BLOC1S3: variants seen among roughly 807,000 people sequenced by gnomAD.
BLOC1S3 encodes biogenesis of lysosomal organelles complex 1 subunit 3, also known as biogenesis of lysosome-related organelles complex 1 subunit 3.
BLOC1S3 carries 7 observed loss-of-function variants against 9.1 expected under a neutral mutation model. That is an observed-to-expected ratio of 0.77 (90% CI 0.44 to 1.45). BLOC1S3 has a LOEUF of 1.45. Ranked by LOEUF, BLOC1S3 falls within the 40% of genes most tolerant of loss-of-function variation. The pLI is 0.01. For missense variants in BLOC1S3, 307 were observed against 315.2 expected (o/e 0.97, Z 0.20); for synonymous variants, 145 against 158.4 (o/e 0.92, Z 0.64).
intron 2 of BLOC1S3, among the ~76,000 whole-genome samples, chr19:45,200,257 C>T (rs1384918496): frequency 1.3e-5 from 2 of 150,570 alleles, no homozygotes; most frequent in Non-Finnish European, 2.9e-5. Flanking sequence ...TCTCCGCTCA[C>T]TGCAAGCTCC....
At chr19:45,201,080 G>A (rs1969687279) in intron 2 of BLOC1S3, among the ~76,000 whole-genome samples, 1 of 152,048 alleles carries the variant, frequency 6.6e-6, no homozygotes, top group South Asian at 2.1e-4. Flanking sequence ...GTGGGCGCCT[G>A]TAGTCCCAGC....
At chr19:45,203,515 G>A (rs1029312913) in intron 3 of BLOC1S3, among the ~76,000 whole-genome samples, 3 of 151,978 alleles carry the variant, frequency 2.0e-5, no homozygotes, top group African/African-American at 4.8e-5. Flanking sequence ...CTCGTGATCC[G>A]CCTGCCTAAG....
intron 3 of BLOC1S3, among the ~76,000 whole-genome samples, chr19:45,207,263 G>A (rs1969734113): frequency 6.6e-6 from 1 of 151,746 alleles, no homozygotes; most frequent in Non-Finnish European, 1.5e-5. Context: ...CTCCTGAGTA[G>A]CTGGGACTAC....
At chr19:45,196,771 G>A (rs1046915752) in intron 2 of BLOC1S3, among the ~76,000 whole-genome samples, 17 of 151,898 alleles carry the variant, frequency 1.1e-4, no homozygotes, top group Admixed American at 9.9e-4. Context: ...CATGGTGGCG[G>A]GTGCCTGTAG....
intron 2 of BLOC1S3, chr19:45,199,134 T>C (rs1273243327): frequency 6.6e-6 from 1 of 152,270 alleles, no homozygotes; most frequent in African/African-American, 2.4e-5. Context: ...CCTAGTGTTC[T>C]ATAACCTTCT....
chr19:45,213,793 TAA>T (rs376637056), intron 3 of BLOC1S3, among the ~76,000 whole-genome samples: 13 of 134,618 alleles, frequency 9.7e-5, no homozygotes, highest in African/African-American at 1.6e-4. Flanking sequence ...AAAAATACAT[TAA>T]AAAAAAAAAA....
chr19:45,208,909 A>C lies in BLOC1S3; in HGVS notation n.282+6402A>C, dbSNP rs1286576913. Among the ~76,000 whole-genome samples the C allele has an allele frequency of 1.4e-4, 22 of 152,202 alleles. 1 individual carries two copies. Among genetic ancestry groups the C allele is most frequent in the Admixed American group, 1.4e-3 (21 of 15,260 alleles). On this transcript the variant is annotated intron_variant and non_coding_transcript_variant, in intron 3 of 3. Transcript: ENST00000591569. ...ATGAGATAAAGTAATGCTTAGAAAG[A>C]CATTGATAGATTTTTAAATGCTTAA...
At chr19:45,182,037 C>T (rs7248168), downstream of BLOC1S3, among the ~76,000 whole-genome samples, 13,114 of 152,152 alleles carry the variant, frequency 0.086, 826 homozygotes, top group Non-Finnish European at 0.13. Flanking sequence ...GCACCCAGTC[C>T]CTGCCCTCAC....
At chr19:45,204,072 T>C (rs1236656205) in intron 3 of BLOC1S3, among the ~76,000 whole-genome samples, 3 of 151,252 alleles carry the variant, frequency 2.0e-5, no homozygotes, top group Non-Finnish European at 4.4e-5. Context: ...AGTGGCGCAA[T>C]CTTGGCTCAC....
intron 2 of BLOC1S3, among the ~76,000 whole-genome samples, chr19:45,192,127 C>T (rs1331115164): frequency 1.3e-5 from 2 of 152,102 alleles, no homozygotes; most frequent in Non-Finnish European, 2.9e-5. Context: ...GCTGAGCTGG[C>T]ACACAAGCCA....
At chr19:45,197,064 G>A (rs1279128539) in intron 2 of BLOC1S3, among the ~76,000 whole-genome samples, 1 of 151,684 alleles carries the variant, frequency 6.6e-6, no homozygotes, top group Admixed American at 6.6e-5. Context: ...ACCTCAGCAG[G>A]TGGGTGGGAT....
At position 45,203,217 on chromosome 19, in the gene BLOC1S3, G is replaced by A. The variant is rs185181700; in HGVS notation, n.282+710G>A. Among the ~76,000 whole-genome samples the A allele has an allele frequency of 4.6e-3, 697 of 152,182 alleles. 7 individuals are homozygous for A. The highest frequency in any genetic ancestry group is 7.6e-3 in the Non-Finnish European group (517 of 68,020). On this transcript the variant is annotated intron_variant and non_coding_transcript_variant, in intron 3 of 3. Transcript: ENST00000591569. ...TGTTCTGAGCCCAGCAAGGCACCAG[G>A]ACTTGCCCAGAAATTGCAGTCCTTG...
chr19:45,182,932 G>A (rs1283435509), downstream of BLOC1S3, among the ~76,000 whole-genome samples: 1 of 152,184 alleles, frequency 6.6e-6, no homozygotes, highest in Non-Finnish European at 1.5e-5. Flanking sequence ...GCGGGAGAGA[G>A]GAAGTGATGA....
In BLOC1S3 at chr19:45,179,622, T is replaced by A. The variant is rs1402693609; in HGVS notation, c.326T>A (p.Leu109Gln). The stretch of plus-strand genomic sequence containing the variant: ...GCGCCCGCCCCCGCGCGCTCGCTCC[T>A]GCAACTTCGGCTGGCGGAGAGCCAG... ...APAPAPARSLLQLRLAESQAR... is the reference protein window; with the variant it reads ...APAPAPARSLQQLRLAESQAR... The change falls in exon 2 of 2, where the codon CTG (leucine) becomes CAG (glutamine). Residue 109 changes from leucine to glutamine, a missense_variant. By Grantham distance (113) the Leu-to-Gln change is moderately radical (BLOSUM62 -2). Transcript: ENST00000433642. The surrounding 1 kb of genome is among the most constrained non-coding windows in gnomAD (Gnocchi z 4.6). 6.8e-7 allele frequency: 1 copy of A among 1,475,026 alleles called. No individual in the cohort carries two copies. The highest frequency in any genetic ancestry group is 8.9e-7 in the Non-Finnish European group (1 of 1,119,644). The allele number at this position is 1,475,026 out of a possible 1,614,324, so 91.4% of individuals were successfully genotyped here. A position where few individuals can be genotyped will look rare whatever the true frequency, so the allele number is the denominator to read the frequency against.
chr19:45,194,025 G>C lies in BLOC1S3; in HGVS notation n.180+6285G>C, dbSNP rs570285430. Among the ~76,000 whole-genome samples, 8 of 136,196 alleles carry C rather than the reference G, an allele frequency of 5.9e-5. No homozygotes were observed. In the South Asian group the frequency reaches 1.2e-3, roughly 21 times the overall value. 89.3% of individuals were successfully genotyped at this position (136,196 alleles called of 152,430 possible). On this transcript the variant is annotated intron_variant and non_coding_transcript_variant, in intron 2 of 3. Coordinates refer to the BLOC1S3 transcript ENST00000591569. The stretch of plus-strand genomic sequence containing the variant: ...TCACCGTGTTAGCCAGGATGGTCTC[G>C]ATCTCCTGACCTCACGATCCGCCCT...
At chr19:45,184,917 A>AAAAAAC (rs1969555501), downstream of BLOC1S3, among the ~76,000 whole-genome samples, 1 of 148,948 alleles carries the variant, frequency 6.7e-6, no homozygotes, top group African/African-American at 2.5e-5. Flanking sequence ...AAAAAAAAAA[A>AAAAAAC]AAAAAAAAAA....
chr19:45,209,547 G>A (rs909942048), intron 3 of BLOC1S3, among the ~76,000 whole-genome samples: 7 of 151,900 alleles, frequency 4.6e-5, no homozygotes, highest in Admixed American at 3.9e-4. Flanking sequence ...TCAGCCTCCC[G>A]AGTAGCTGGG....
chr19:45,216,311 C>T lies in BLOC1S3; in HGVS notation n.283-365C>T, dbSNP rs181327550. 2.3e-5 allele frequency: 32 copies of T among 1,399,754 alleles called. 2 individuals are homozygous for T. The Admixed American group carries it at 4.0e-4, about 17-fold the overall frequency. 86.7% of individuals were successfully genotyped at this position (1,399,754 alleles called of 1,614,324 possible). On this transcript the variant is annotated intron_variant and non_coding_transcript_variant, in intron 3 of 3. Transcript: ENST00000591569. ...GTAGCAGAAACCAGGGGTGGTGGCTCAAGCCTGTAATCCCAGCACTTTGGG... is the reference window on the plus strand; with the variant it reads ...GTAGCAGAAACCAGGGGTGGTGGCTTAAGCCTGTAATCCCAGCACTTTGGG...
intron 2 of BLOC1S3, among the ~76,000 whole-genome samples, chr19:45,188,083 C>T (rs960770352): frequency 1.3e-5 from 2 of 151,830 alleles, no homozygotes; most frequent in African/African-American, 4.8e-5. Context: ...AGTGCAGCAG[C>T]GTGATCTCAG....
Sources: gnomAD v4.1 joint callset for allele counts (sites outside exome capture counted in the v4.1 genomes callset) on GRCh38, gnomAD v4.1.1 for gene constraint, Gnocchi (gnomAD v3.1) non-coding constraint, MANE v1.5 for transcripts, NCBI Gene and HGNC (gene_info 2026-07-23, HGNC 2026-07-21) for gene names.